ZNF589: variants seen among roughly 807,000 people sequenced by gnomAD.
ZNF589 encodes the protein zinc finger protein 589.
ZNF589 carries 17 observed loss-of-function variants against 13.6 expected under a neutral mutation model. That is an observed-to-expected ratio of 1.25 (90% confidence interval 0.86 to 1.88). ZNF589 has a LOEUF of 1.88. ZNF589 is among the 40% of genes most tolerant of loss of function. The pLI, the probability that ZNF589 is intolerant of heterozygous loss-of-function variation, is 0.00. For synonymous variants in ZNF589, 148 were observed against 161.6 expected, an observed-to-expected ratio of 0.92 and a Z score of 0.64; for missense variants, 407 against 434.0, an observed-to-expected ratio of 0.94 and a Z score of 0.55.
Position 48,268,451 on chromosome 3 carries a change from G to C in ZNF589, c.760G>C (p.Gly254Arg), listed in dbSNP as rs1227059405. 6.2e-7 allele frequency: 1 copy of C among 1,614,202 alleles called. No homozygotes were observed. The highest frequency in any genetic ancestry group is 1.7e-5 in the Admixed American group (1 of 60,024). ...KRQSQVCREC[G>R]RGFSRKSQLI... Reference sequence around the variant, plus strand: ...GCAGTCACAGGTGTGCAGGGAGTGTGGGCGAGGCTTTAGCAGGAAGTCACA... The same window carrying C: ...GCAGTCACAGGTGTGCAGGGAGTGTCGGCGAGGCTTTAGCAGGAAGTCACA... Residue 254 changes from glycine to arginine, a missense_variant, in exon 4 of 4, where the codon GGG (glycine) becomes CGG (arginine). Coordinates refer to ENST00000354698, the MANE Select transcript of ZNF589 (RefSeq NM_016089.3).
chr3:48,257,875 T>C lies in ZNF589; in HGVS notation c.97-2938T>C, dbSNP rs559196729. On this transcript the variant is annotated intron_variant, in intron 2 of 3. Coordinates refer to ENST00000354698, the MANE Select transcript of ZNF589 (RefSeq NM_016089.3). ...CCACTTTGGGGTATTTGTGTTGATC[T>C]CTTTCTGGGTTTTCGGTTCTCTTCT... 5 of 413,388 alleles carry C rather than the reference T, an allele frequency of 1.2e-5. No homozygotes were observed. In the East Asian group the frequency reaches 3.7e-4, roughly 31 times the overall value. The allele number at this position is 413,388 out of a possible 1,614,324, so 25.6% of individuals were successfully genotyped here.
intron 2 of ZNF589, chr3:48,257,901 A>G (rs988610841): frequency 9.1e-6 from 4 of 437,172 alleles, no homozygotes; most frequent in Admixed American, 2.8e-5. Context: ...GTTCTCTTCT[A>G]TTGATCTGTG....
chr3:48,246,475 AATT>A (rs770257587), intron 1 of ZNF589, among the ~76,000 whole-genome samples: 14 of 152,114 alleles, frequency 9.2e-5, no homozygotes, highest in Non-Finnish European at 1.8e-4. Flanking sequence ...ACAATATAAT[AATT>A]ATTATTTTTA....
chr3:48,264,068 G>T (rs1018501941), intron 3 of ZNF589, among the ~76,000 whole-genome samples: 4 of 152,194 alleles, frequency 2.6e-5, no homozygotes, highest in Non-Finnish European at 4.4e-5. Context: ...ACATCATCAG[G>T]AGGGGAGGAC....
intron 2 of ZNF589, among the ~76,000 whole-genome samples, chr3:48,248,103 T>C (rs55913938): frequency 1.3e-3 from 191 of 152,362 alleles, no homozygotes; most frequent in Admixed American, 2.4e-3. Flanking sequence ...AGTTAACTCT[T>C]CTGTATCCAT....
At chr3:48,264,368 A>G (rs1045464286) in intron 3 of ZNF589, among the ~76,000 whole-genome samples, 2 of 152,034 alleles carry the variant, frequency 1.3e-5, no homozygotes, top group African/African-American at 4.8e-5. Flanking sequence ...CCCTGTCCCT[A>G]CTAAAAATAC....
intron 2 of ZNF589, among the ~76,000 whole-genome samples, chr3:48,248,409 C>T (rs982093198): frequency 6.6e-6 from 1 of 152,168 alleles, no homozygotes; most frequent in Admixed American, 6.6e-5. Context: ...GTGATGCCTT[C>T]TTGACTGTTT....
At chr3:48,250,596 T>C (rs750618489) in intron 2 of ZNF589, among the ~76,000 whole-genome samples, 23 of 150,414 alleles carry the variant, frequency 1.5e-4, no homozygotes, top group Non-Finnish European at 2.4e-4. Context: ...TTCAGCCTCC[T>C]GAGAAGCTGG....
chr3:48,243,282 G>A (rs1413496522), intron 1 of ZNF589, among the ~76,000 whole-genome samples: 1 of 151,126 alleles, frequency 6.6e-6, no homozygotes, highest in Admixed American at 6.6e-5. Flanking sequence ...CTTCATCTTT[G>A]TGTTAAAATT....
chr3:48,244,289 A>C (rs2033736003), intron 1 of ZNF589, among the ~76,000 whole-genome samples: 1 of 152,150 alleles, frequency 6.6e-6, no homozygotes, highest in South Asian at 2.1e-4. Context: ...GGGAGTGGCC[A>C]AATAATGGTA....
At chr3:48,259,196 C>T (rs557031698) in intron 2 of ZNF589, among the ~76,000 whole-genome samples, 8 of 152,296 alleles carry the variant, frequency 5.3e-5, no homozygotes, top group African/African-American at 1.7e-4. Flanking sequence ...TGCCACGCGG[C>T]CTGACTGCCT....
chr3:48,252,914 C>T (rs2033855570), intron 2 of ZNF589, among the ~76,000 whole-genome samples: 1 of 152,294 alleles, frequency 6.6e-6, no homozygotes, highest in South Asian at 2.1e-4. Context: ...CTGCGCCCAG[C>T]CATGAGAATA....
intron 3 of ZNF589, among the ~76,000 whole-genome samples, chr3:48,265,557 G>A (rs867225320): frequency 6.6e-6 from 1 of 151,916 alleles, no homozygotes; most frequent in Non-Finnish European, 1.5e-5. Context: ...CAAAGTGCTG[G>A]GATTACAAGT....
chr3:48,270,459 G>T lies in ZNF589; in HGVS notation c.*1673G>T, dbSNP rs879498879. On this transcript the variant is annotated 3_prime_UTR_variant, in exon 4 of 4. Transcript: ENST00000354698. ...AGTACCCAGTGTTTTAGCCATGCTC[G>T]GGTGGCTAAATTACATCCAGGAATG... The T allele has an allele frequency of 2.8e-6, 1 of 355,976 alleles. No homozygotes were observed. Among genetic ancestry groups the T allele is most frequent in the East Asian group, 7.3e-5 (1 of 13,630 alleles). The allele number at this position is 355,976 out of a possible 1,614,324, so 22.1% of individuals were successfully genotyped here.
Position 48,268,293 on chromosome 3 carries a change from A to G in ZNF589, c.602A>G (p.Asp201Gly). The change falls in exon 4 of 4, where the codon GAC (aspartate) becomes GGC (glycine). Residue 201 changes from aspartate to glycine, a missense_variant. By Grantham distance (94) the Asp-to-Gly change is moderately conservative. Coordinates refer to ENST00000354698, the MANE Select transcript of ZNF589 (RefSeq NM_016089.3). ...PAQNASSEEV[D>G]RISKRAETPG... is the part of the protein sequence containing the mutation. ...CAGAATGCAAGCTCTGAGGAAGTAG[A>G]CAGAATTTCCAAGAGGGCAGAAACC... 3 of 1,613,220 alleles carry G rather than the reference A, an allele frequency of 1.9e-6. No individual in the cohort carries two copies. The highest frequency in any genetic ancestry group is 1.3e-5 in the African/African-American group (1 of 74,992).
chr3:48,244,906 C>T (rs1211603017), intron 1 of ZNF589, among the ~76,000 whole-genome samples: 1 of 151,874 alleles, frequency 6.6e-6, no homozygotes, highest in Non-Finnish European at 1.5e-5. Context: ...CCTCCGCCTC[C>T]CGGGTTCAAG....
intron 3 of ZNF589, 70 bp downstream of exon 3, chr3:48,261,009 A>AT: frequency 6.5e-7 from 1 of 1,544,920 alleles, no homozygotes; most frequent in South Asian, 1.1e-5. Context: ...GTGCCAGCCA[A>AT]TGTTTTAATC....
In ZNF589 at chr3:48,267,915, C is replaced by T; in HGVS notation, c.224C>T (p.Ala75Val). The T allele has an allele frequency of 6.2e-7, 1 of 1,601,790 alleles. No individual in the cohort carries two copies. ...LENLRNLVSL[A>V]ESKPEVHTCP... ...CTGACTGGAAACTTTCTTTCTTCAG[C>T]AGAATCAAAGCCAGAAGTCCATACC... Residue 75 changes from alanine (A) to valine (V), a missense_variant and splice_region_variant, in exon 4 of 4, where the codon GCA becomes GTA. By Grantham distance (64) the Ala-to-Val change is moderately conservative. Coordinates refer to ENST00000354698, the MANE Select transcript of ZNF589 (RefSeq NM_016089.3).
At position 48,263,716 on chromosome 3, in the gene ZNF589, G is replaced by A. The variant is rs111664251; in HGVS notation, c.223+2777G>A. ...GGAGGTTGCAGTGAGCTGAAATTGC[G>A]CCACTGCACTCCAACCTGGGCAACA... is the stretch of plus-strand genomic sequence containing the variant. On this transcript the variant is annotated intron_variant, in intron 3 of 3. Coordinates refer to ENST00000354698, the MANE Select transcript of ZNF589 (RefSeq NM_016089.3). 4.2e-3 allele frequency among the ~76,000 whole-genome samples: 642 copies of A among 152,216 alleles called. 2 individuals carry two copies. The highest frequency in any genetic ancestry group is 6.4e-3 in the Non-Finnish European group (435 of 68,022).
Sources: allele counts gnomAD v4.1 joint callset (sites outside exome capture counted in the v4.1 genomes callset), GRCh38; gene constraint gnomAD v4.1.1; transcripts MANE v1.5; gene names NCBI Gene and HGNC (gene_info 2026-07-23, HGNC 2026-07-21).